Variants in ATP2A2 observed in about 807,000 individuals in gnomAD.
ATP2A2 encodes sarcoplasmic/endoplasmic reticulum calcium ATPase 2.
ATP2A2 carries 14 observed loss-of-function variants against 109.3 expected under a neutral mutation model. The observed-to-expected ratio is 0.13, with a 90% CI of 0.08 to 0.20. The LOEUF is 0.20. Ranked by LOEUF, ATP2A2 falls within the 10% of genes least tolerant of loss-of-function variation. ATP2A2 has a pLI of 1.00. For synonymous variants in ATP2A2, 506 were observed against 490.9 expected (o/e 1.03, Z -0.41); for missense variants, 657 against 1,321.6 (o/e 0.50, Z 7.80).
intron 3 of ATP2A2, among the ~76,000 whole-genome samples, chr12:110,288,238 C>T (rs1406944963): frequency 6.7e-6 from 1 of 149,706 alleles, no homozygotes; most frequent in Non-Finnish European, 1.5e-5. Context: ...GTCAGGACTA[C>T]AGGCATGCCC....
chr12:110,303,146 T>G (rs192048152), intron 5 of ATP2A2, among the ~76,000 whole-genome samples: 23 of 152,350 alleles, frequency 1.5e-4, no homozygotes, highest in Admixed American at 1.2e-3. Context: ...AAATCAGAAG[T>G]ATATGATAGG....
intron 11 of ATP2A2, among the ~76,000 whole-genome samples, chr12:110,338,717 T>C (rs2137849048): frequency 6.6e-6 from 1 of 152,310 alleles, no homozygotes; most frequent in South Asian, 2.1e-4. Context: ...TTCAGCCAAT[T>C]CTTGACAACT....
intron 5 of ATP2A2, among the ~76,000 whole-genome samples, chr12:110,313,821 C>T (rs1237470811): frequency 6.8e-6 from 1 of 147,772 alleles, no homozygotes; most frequent in Non-Finnish European, 1.5e-5. Flanking sequence ...AGCGATTCTT[C>T]TGCCTCAGCT....
At chr12:110,290,514 A>G (rs1215591894) in intron 3 of ATP2A2, among the ~76,000 whole-genome samples, 1 of 152,260 alleles carries the variant, frequency 6.6e-6, no homozygotes. Flanking sequence ...AAATAGATAC[A>G]TATAAAATGA....
In ATP2A2 at chr12:110,310,688, A is replaced by G. The variant is rs972995740; in HGVS notation, c.464-12304A>G. The stretch of plus-strand genomic sequence containing the variant: ...ATTGCATTTGCTTTAGCACTTGTAC[A>G]GAAATTGATAATTTTATTTCCTAAA... On this transcript the variant is annotated intron_variant, in intron 5 of 19. Transcript: ENST00000539276. Among the ~76,000 whole-genome samples, 5 of 152,248 alleles carry G rather than the reference A, an allele frequency of 3.3e-5. No homozygotes were observed. The South Asian group carries it at 6.2e-4, about 19-fold the overall frequency.
intron 5 of ATP2A2, among the ~76,000 whole-genome samples, chr12:110,307,427 C>T (rs1392901314): frequency 6.6e-6 from 1 of 151,622 alleles, no homozygotes. Context: ...GAGATGAGGT[C>T]TTACTATGTT....
rs138072941 is a variant in ATP2A2, at chr12:110,311,310, A to G, written c.464-11682A>G. ...GGCTGGTCTTGAACTCCTGGCCTCA[A>G]GTGATCCTCCTGCCTTAGCCTGTAA... On this transcript the variant is annotated intron_variant, in intron 5 of 19. Transcript: ENST00000539276. Among the ~76,000 whole-genome samples, 1,064 of 152,066 alleles carry G rather than the reference A, an allele frequency of 7.0e-3. 13 individuals carry two copies. The highest frequency in any genetic ancestry group is 0.024 in the African/African-American group (1,008 of 41,518).
At position 110,296,725 on chromosome 12, in the gene ATP2A2, G is replaced by C; in HGVS notation, c.451G>C (p.Val151Leu). Residue 151 changes from valine to leucine, a missense_variant, in exon 5 of 20, where the codon GTA (valine) becomes CTA (leucine). Transcript: ENST00000539276. ...KAKDIVPGDIVEIAVGDKVPA... is the reference protein window; with the variant it reads ...KAKDIVPGDILEIAVGDKVPA... The stretch of plus-strand genomic sequence containing the variant: ...TAAAGACATAGTTCCTGGTGATATT[G>C]TAGAAATTGCTGGTGAGTTGAGTTT... 1 of 1,613,980 alleles carries C rather than the reference G, an allele frequency of 6.2e-7. No individual in the cohort carries two copies. The highest frequency in any genetic ancestry group is 8.5e-7 in the Non-Finnish European group (1 of 1,179,960).
At chr12:110,338,213 CAGT>C (rs1879024919) in intron 11 of ATP2A2, among the ~76,000 whole-genome samples, 1 of 152,198 alleles carries the variant, frequency 6.6e-6, no homozygotes, top group Non-Finnish European at 1.5e-5. Context: ...TTACTATAAT[CAGT>C]AGCCACTAGC....
chr12:110,344,224 G>T (rs1292879181), intron 16 of ATP2A2, among the ~76,000 whole-genome samples: 4 of 152,152 alleles, frequency 2.6e-5, no homozygotes, highest in African/African-American at 7.2e-5. Context: ...TCGTGGGTTA[G>T]TGGGTATATG....
Position 110,332,699 on chromosome 12 carries a change from C to G in ATP2A2, c.1184+14C>G. On this transcript the variant is annotated intron_variant, in intron 9 of 19. Coordinates refer to ENST00000539276, the MANE Select transcript of ATP2A2 (RefSeq NM_170665.4). ...TATTGGAGAAGTGTGAGTAACCCTC[C>G]TCCTCATTTAAAGGATCTGGTGTGG... is the stretch of plus-strand genomic sequence containing the variant. The G allele has an allele frequency of 6.3e-7, 1 of 1,586,584 alleles. No homozygotes were observed. The highest frequency in any genetic ancestry group is 8.7e-7 in the Non-Finnish European group (1 of 1,155,034).
chr12:110,306,464 AGAT>A lies in ATP2A2; in HGVS notation c.463+9733_463+9735del, dbSNP rs201151767. Among the ~76,000 whole-genome samples the A allele has an allele frequency of 6.1e-3, 929 of 152,246 alleles. 16 individuals are homozygous for A. The highest frequency in any genetic ancestry group is 0.021 in the African/African-American group (857 of 41,534). Reference sequence around the variant, plus strand: ...ATCCTGTCATCCAGATGATGAGTATAGATGATGAGTATAGTACTTCACAGATAG... The same window carrying A: ...ATCCTGTCATCCAGATGATGAGTATAGATGAGTATAGTACTTCACAGATAG... On this transcript the variant is annotated intron_variant, in intron 5 of 19. Coordinates refer to ENST00000539276, the MANE Select transcript of ATP2A2 (RefSeq NM_170665.4).
In ATP2A2 at chr12:110,306,671, C is replaced by G. The variant is rs556947286; in HGVS notation, c.463+9934C>G. ...ATAGTCTCTGGCTGCATCCATTTTGCTGGAAAAGACATGATTTCATTCTTT... is the reference window on the plus strand; with the variant it reads ...ATAGTCTCTGGCTGCATCCATTTTGGTGGAAAAGACATGATTTCATTCTTT... On this transcript the variant is annotated intron_variant, in intron 5 of 19. Transcript: ENST00000539276. Among the ~76,000 whole-genome samples, 3 of 152,146 alleles carry G rather than the reference C, an allele frequency of 2.0e-5. No individual in the cohort carries two copies. In the South Asian group the frequency reaches 6.2e-4, roughly 32 times the overall value.
intron 5 of ATP2A2, among the ~76,000 whole-genome samples, chr12:110,303,475 A>G (rs915639036): frequency 6.6e-6 from 1 of 151,762 alleles, no homozygotes; most frequent in Non-Finnish European, 1.5e-5. Context: ...CAGTGGCATG[A>G]TCTTGGCTCA....
chr12:110,335,417 A>C (rs1177555860), intron 11 of ATP2A2, among the ~76,000 whole-genome samples: 1 of 152,024 alleles, frequency 6.6e-6, no homozygotes, highest in Admixed American at 6.6e-5. Flanking sequence ...TAATCCCAAC[A>C]CTTTGGGAAG....
intron 6 of ATP2A2, 199 bp from the exon 7 acceptor site, chr12:110,326,191 C>T: frequency 1.7e-6 from 1 of 589,256 alleles, no homozygotes; most frequent in Non-Finnish European, 3.1e-6. Flanking sequence ...GATTTTTATC[C>T]TGACACCCTT....
intron 5 of ATP2A2, among the ~76,000 whole-genome samples, chr12:110,314,497 C>T (rs902829020): frequency 2.6e-5 from 4 of 151,878 alleles, no homozygotes; most frequent in South Asian, 2.1e-4. Context: ...CCTGTAACAC[C>T]GTAAAAGGAA....
At chr12:110,323,487 C>CG (rs1385138631) in intron 6 of ATP2A2, among the ~76,000 whole-genome samples, 1 of 152,014 alleles carries the variant, frequency 6.6e-6, no homozygotes, top group Admixed American at 6.6e-5. Flanking sequence ...ACCTGGCTGC[C>CG]GATACGGTTT....
chr12:110,311,788 A>AGCATTTTGG (rs1876106834), intron 5 of ATP2A2, among the ~76,000 whole-genome samples: 1 of 150,990 alleles, frequency 6.6e-6, no homozygotes, highest in South Asian at 2.1e-4. Flanking sequence ...CTGCAATCCT[A>AGCATTTTGG]GCATTTTGGG....
Sources: allele counts gnomAD v4.1 joint callset (sites outside exome capture counted in the v4.1 genomes callset), GRCh38; gene constraint gnomAD v4.1.1; transcripts MANE v1.5; gene names NCBI Gene and HGNC (gene_info 2026-07-23, HGNC 2026-07-21).